SH3BGRL2: variants seen among roughly 807,000 people sequenced by gnomAD.
SH3BGRL2 encodes SH3 domain-binding glutamic acid-rich-like protein 2.
SH3BGRL2 carries 21 observed loss-of-function variants against 14.8 expected under a neutral mutation model. The ratio of observed to expected loss-of-function variants is 1.42; its 90% confidence interval spans 1.01 to 2.05. The LOEUF is 2.05. Ranked by LOEUF, SH3BGRL2 falls within the 30% of genes most tolerant of loss-of-function variation. The probability of loss-of-function intolerance (pLI) is 0.00; values close to 1 mark genes in which losing one functional copy is unlikely to be tolerated. For missense variants in SH3BGRL2, 147 were observed against 130.8 expected (o/e 1.12, Z -0.61); for synonymous variants, 50 against 47.8 (o/e 1.05, Z -0.19).
rs372536669 is a variant in SH3BGRL2, at chr6:79,639,110, A to C, written c.45+7604A>C. ...AAGCAGTGTGAGGTATTAACTAAAC[A>C]ATATTTCTTCCTTAGTTATTTTTCA... On this transcript the variant is annotated intron_variant, in intron 1 of 3. Transcript: ENST00000369838. Among the ~76,000 whole-genome samples, 7 of 152,336 alleles carry C rather than the reference A, an allele frequency of 4.6e-5. No homozygotes were observed. The East Asian group carries it at 1.3e-3, about 29-fold the overall frequency.
chr6:79,570,868 T>A, the SH3BGRL2 span, among the ~76,000 whole-genome samples: 1 of 152,346 alleles, frequency 6.6e-6, no homozygotes, highest in Admixed American at 6.5e-5. Flanking sequence ...GCATAACTGC[T>A]TTACATATTG....
the SH3BGRL2 span, among the ~76,000 whole-genome samples, chr6:79,602,924 A>C: frequency 1.3e-5 from 2 of 152,190 alleles, no homozygotes; most frequent in Admixed American, 1.3e-4. Flanking sequence ...CTTCTGAGAC[A>C]GAGTGGTTAG....
the SH3BGRL2 span, among the ~76,000 whole-genome samples, chr6:79,598,378 G>A: frequency 6.6e-6 from 1 of 152,114 alleles, no homozygotes; most frequent in African/African-American, 2.4e-5. Flanking sequence ...AATGATGAAT[G>A]GATAAATAAA....
intron 2 of SH3BGRL2, among the ~76,000 whole-genome samples, chr6:79,678,336 C>A (rs1485732343): frequency 6.6e-6 from 1 of 152,150 alleles, no homozygotes; most frequent in Non-Finnish European, 1.5e-5. Flanking sequence ...ATTCTACTTT[C>A]TCTATATAAA....
chr6:79,591,397 T>C, the SH3BGRL2 span, among the ~76,000 whole-genome samples: 66,464 of 151,948 alleles, frequency 0.44, 15,154 homozygotes, highest in East Asian at 0.77. Flanking sequence ...ATTCAAATTA[T>C]CTTCTGAATT....
chr6:79,678,057 C>T (rs763312982), intron 2 of SH3BGRL2, among the ~76,000 whole-genome samples: 2 of 152,070 alleles, frequency 1.3e-5, no homozygotes, highest in African/African-American at 2.4e-5. Flanking sequence ...ACTCCCCTTT[C>T]ATTTCTTTTC....
chr6:79,661,529 C>T (rs1453200716), intron 1 of SH3BGRL2, among the ~76,000 whole-genome samples: 3 of 152,274 alleles, frequency 2.0e-5, no homozygotes, highest in African/African-American at 7.2e-5. Flanking sequence ...TTTATATTGG[C>T]TGAGGAGTGC....
chr6:79,620,102 T>G, the SH3BGRL2 span, among the ~76,000 whole-genome samples: 1,413 of 152,282 alleles, frequency 9.3e-3, 52 homozygotes, highest in East Asian at 0.11. Context: ...TGTTGTTGTT[T>G]TTTTTCTTTC....
the SH3BGRL2 span, among the ~76,000 whole-genome samples, chr6:79,571,383 C>A: frequency 6.6e-6 from 1 of 152,186 alleles, no homozygotes; most frequent in East Asian, 1.9e-4. Flanking sequence ...AACACAGAAC[C>A]TGTAAGAAGT....
chr6:79,565,318 G>C, the SH3BGRL2 span, among the ~76,000 whole-genome samples: 2 of 151,976 alleles, frequency 1.3e-5, no homozygotes, highest in Non-Finnish European at 2.9e-5. Context: ...AAATTTTAAG[G>C]ATATAAAATG....
chr6:79,575,241 C>T, the SH3BGRL2 span: 7 of 152,082 alleles, frequency 4.6e-5, no homozygotes, highest in East Asian at 1.2e-3. Context: ...CTTATTCCTC[C>T]CACCTAACTG....
At chr6:79,543,850 GTCT>G in the SH3BGRL2 span, among the ~76,000 whole-genome samples, 1,088 of 152,120 alleles carry the variant, frequency 7.2e-3, 14 homozygotes, top group African/African-American at 0.024. Flanking sequence ...TATTCAAGTT[GTCT>G]TCTTATGTTA....
chr6:79,692,822 A>T (rs1242086645), intron 2 of SH3BGRL2, among the ~76,000 whole-genome samples: 1 of 152,060 alleles, frequency 6.6e-6, no homozygotes, highest in East Asian at 1.9e-4. Flanking sequence ...TTGGCTTAGG[A>T]TTGACTTGGC....
the SH3BGRL2 span, among the ~76,000 whole-genome samples, chr6:79,547,882 T>C: frequency 6.6e-6 from 1 of 152,204 alleles, no homozygotes; most frequent in African/African-American, 2.4e-5. Flanking sequence ...TTACTATTTT[T>C]TGAGACAGAG....
chr6:79,599,381 T>C, the SH3BGRL2 span, among the ~76,000 whole-genome samples: 2 of 151,766 alleles, frequency 1.3e-5, no homozygotes, highest in Non-Finnish European at 2.9e-5. Context: ...TCTTTTTTTT[T>C]TTTTTTTGAA....
intron 1 of SH3BGRL2, among the ~76,000 whole-genome samples, chr6:79,665,857 CT>C (rs1769650062): frequency 6.6e-6 from 1 of 152,160 alleles, no homozygotes; most frequent in Non-Finnish European, 1.5e-5. Context: ...AAGCTTCAGT[CT>C]TTTGTAAGTC....
Position 79,702,442 on chromosome 6 carries a change from C to T in SH3BGRL2, c.*2933C>T, listed in dbSNP as rs1305045463. On this transcript the variant is annotated 3_prime_UTR_variant, in exon 4 of 4. Transcript: ENST00000369838. ...GATTTCAACTTGTATGTGTTTGTCT[C>T]TTAAAGCATTGGTGAAATCACATAT... 1 of 152,540 alleles carries T rather than the reference C, an allele frequency of 6.6e-6. No homozygotes were observed. The highest frequency in any genetic ancestry group is 2.4e-5 in the African/African-American group (1 of 41,428). 9.4% of individuals were successfully genotyped at this position (152,540 alleles called of 1,614,324 possible).
chr6:79,614,858 G>A, the SH3BGRL2 span, among the ~76,000 whole-genome samples: 2 of 152,120 alleles, frequency 1.3e-5, no homozygotes, highest in Non-Finnish European at 2.9e-5. Context: ...ACAGCAGCCA[G>A]GTACACAGAG....
At position 79,701,602 on chromosome 6, in the gene SH3BGRL2, ATTTTTTTTTTT is replaced by A. The variant is rs3044146; in HGVS notation, c.*2102_*2112del. On this transcript the variant is annotated 3_prime_UTR_variant, in exon 4 of 4. Transcript: ENST00000369838. ...CAGTTATGTGCCATCTCCCCACCCC[ATTTTTTTTTTT>A]TTTTTTTTGATCAGCAAAGAAATAC... The A allele has an allele frequency of 2.1e-4, 24 of 112,610 alleles. No individual in the cohort carries two copies. Among genetic ancestry groups the A allele is most frequent in the African/African-American group, 7.1e-4 (23 of 32,238 alleles). 7.0% of individuals were successfully genotyped at this position (112,610 alleles called of 1,614,324 possible). A position where few individuals can be genotyped will look rare whatever the true frequency, so the allele number is the denominator to read the frequency against.
Sources: gnomAD v4.1 joint callset for allele counts (sites outside exome capture counted in the v4.1 genomes callset) on GRCh38, gnomAD v4.1.1 for gene constraint, MANE v1.5 for transcripts, NCBI Gene and HGNC (gene_info 2026-07-23, HGNC 2026-07-21) for gene names.